PLCB4: variants seen among roughly 807,000 people sequenced by gnomAD.
The protein encoded by PLCB4 is 1-phosphatidylinositol 4,5-bisphosphate phosphodiesterase beta-4.
Under a neutral mutation model 178.8 loss-of-function variants are expected in PLCB4, and 77 were observed. That is an observed-to-expected ratio of 0.43 (90% CI 0.36 to 0.52). The LOEUF is 0.52. PLCB4 is among the 20% of genes least tolerant of loss of function. The probability of loss-of-function intolerance (pLI) is 0.00; values close to 1 mark genes in which losing one functional copy is unlikely to be tolerated. For missense variants in PLCB4, 1,024 were observed against 1,453.4 expected (o/e 0.70, Z 4.80); for synonymous variants, 496 against 490.8 (o/e 1.01, Z -0.14).
intron 20 of PLCB4, among the ~76,000 whole-genome samples, chr20:9,403,996 T>C (rs933658649): frequency 1.3e-5 from 2 of 152,136 alleles, no homozygotes; most frequent in Non-Finnish European, 2.9e-5. Flanking sequence ...GACTAGAGAC[T>C]ATGCTTTTGA....
At chr20:9,095,007 A>C (rs1001146634) in intron 1 of PLCB4, among the ~76,000 whole-genome samples, 4 of 152,158 alleles carry the variant, frequency 2.6e-5, no homozygotes, top group Non-Finnish European at 5.9e-5. Flanking sequence ...GAAGAGCAAG[A>C]GAGGAAAGGC....
At chr20:9,179,729 A>G (rs2093215383) in intron 2 of PLCB4, among the ~76,000 whole-genome samples, 1 of 152,280 alleles carries the variant, frequency 6.6e-6, no homozygotes, top group South Asian at 2.1e-4. Context: ...TGCTTGTTTT[A>G]GTGAATGAGA....
At chr20:9,266,320 G>A (rs1248964472) in intron 3 of PLCB4, among the ~76,000 whole-genome samples, 1 of 152,158 alleles carries the variant, frequency 6.6e-6, no homozygotes, top group Non-Finnish European at 1.5e-5. Flanking sequence ...AGCTCGCTTG[G>A]TAATTCATTT....
intron 4 of PLCB4, among the ~76,000 whole-genome samples, chr20:9,318,574 CT>C (rs1468277651): frequency 1.3e-5 from 2 of 152,200 alleles, no homozygotes; most frequent in Non-Finnish European, 2.9e-5. Context: ...CTTAGCAGGA[CT>C]CAGGCCCTCC....
In PLCB4 at chr20:9,263,314, T is replaced by G. The variant is rs558267863; in HGVS notation, c.-15-44486T>G. 9.9e-5 allele frequency among the ~76,000 whole-genome samples: 15 copies of G among 152,224 alleles called. No individual in the cohort carries two copies. In the South Asian group the frequency reaches 2.9e-3, roughly 29 times the overall value. On this transcript the variant is annotated intron_variant, in intron 3 of 39. Transcript: ENST00000378473. The stretch of plus-strand genomic sequence containing the variant: ...CTCTAAAATTGACCACTACCTAAAA[T>G]TGACCACTACCCTATGATATCTTAG...
rs1429517420 is a variant in PLCB4 at position 9,437,021 on chromosome 20, C to G, written c.2633C>G (p.Pro878Arg). The change falls in exon 30 of 40, where the codon CCC becomes CGC. Residue 878 changes from proline (P) to arginine (R), a missense_variant. Coordinates refer to ENST00000378473, the MANE Select transcript of PLCB4 (RefSeq NM_001377142.1). ...GIETSDIADV[P>R]SDTSKNDKKG... is the part of the protein sequence containing the mutation. ...TTCCAGAGTGACATAGCCGACGTGC[C>G]CAGTGACACTTCCAAAAATGACAAG... The G allele has an allele frequency of 6.2e-7, 1 of 1,613,836 alleles. No individual in the cohort carries two copies. Among genetic ancestry groups the G allele is most frequent in the Admixed American group, 1.7e-5 (1 of 59,962 alleles).
chr20:9,457,603 C>A, intron 34 of PLCB4, 114 bp downstream of exon 34: 1 of 672,536 alleles, frequency 1.5e-6, no homozygotes, highest in Non-Finnish European at 2.7e-6. Flanking sequence ...GGTCTAGTAG[C>A]CTGCAGCTGA....
chr20:9,291,796 G>C (rs1325142296), intron 3 of PLCB4, among the ~76,000 whole-genome samples: 1 of 152,168 alleles, frequency 6.6e-6, no homozygotes, highest in East Asian at 1.9e-4. Flanking sequence ...CAGTACCCCT[G>C]TGTGGATGAA....
At chr20:9,285,030 A>G (rs1158598914) in intron 3 of PLCB4, among the ~76,000 whole-genome samples, 16 of 152,016 alleles carry the variant, frequency 1.1e-4, no homozygotes, top group African/African-American at 3.9e-4. Flanking sequence ...GCATGATAAA[A>G]CATCCTGCAT....
intron 4 of PLCB4, among the ~76,000 whole-genome samples, chr20:9,310,014 A>T (rs776836732): frequency 2.6e-5 from 4 of 152,236 alleles, no homozygotes; most frequent in Admixed American, 6.5e-5. Flanking sequence ...GAGCAAAAAC[A>T]TTTTAACTTT....
intron 3 of PLCB4, among the ~76,000 whole-genome samples, chr20:9,266,590 T>C (rs973997896): frequency 2.6e-5 from 4 of 152,220 alleles, no homozygotes; most frequent in African/African-American, 9.6e-5. Context: ...AAAACATTCC[T>C]TATGGAAAAA....
At chr20:9,315,254 A>G (rs1484080157) in intron 4 of PLCB4, among the ~76,000 whole-genome samples, 1 of 152,208 alleles carries the variant, frequency 6.6e-6, no homozygotes, top group Non-Finnish European at 1.5e-5. Flanking sequence ...ACAACAAGCT[A>G]TATAGCAACT....
At chr20:9,260,842 T>C (rs1282440044) in intron 3 of PLCB4, among the ~76,000 whole-genome samples, 4 of 152,162 alleles carry the variant, frequency 2.6e-5, no homozygotes, top group South Asian at 4.1e-4. Context: ...ATAAAATACA[T>C]GTTGAAATAT....
intron 3 of PLCB4, among the ~76,000 whole-genome samples, chr20:9,271,647 T>C (rs1217627251): frequency 1.3e-5 from 2 of 152,134 alleles, no homozygotes; most frequent in African/African-American, 4.8e-5. Context: ...CAATGTGAAG[T>C]GTGAGTAAAT....
intron 2 of PLCB4, among the ~76,000 whole-genome samples, chr20:9,158,449 A>G (rs1220466467): frequency 7.7e-6 from 1 of 129,960 alleles, no homozygotes; most frequent in East Asian, 2.2e-4. Flanking sequence ...TTTTTTTTTT[A>G]ATAGATTTGG....
At chr20:9,126,215 T>C (rs764505302) in intron 2 of PLCB4, among the ~76,000 whole-genome samples, 1 of 152,222 alleles carries the variant, frequency 6.6e-6, no homozygotes, top group Non-Finnish European at 1.5e-5. Context: ...AGTTGTCTAA[T>C]ATTGTAAACA....
chr20:9,425,687 A>G (rs1602604740), intron 28 of PLCB4, among the ~76,000 whole-genome samples: 1 of 152,206 alleles, frequency 6.6e-6, no homozygotes, highest in Admixed American at 6.5e-5. Flanking sequence ...CTTACTTTTT[A>G]TCAGAAGCGT....
chr20:9,159,782 CTCAG>C (rs1436177110), intron 2 of PLCB4, among the ~76,000 whole-genome samples: 3 of 152,118 alleles, frequency 2.0e-5, no homozygotes, highest in Admixed American at 2.0e-4. Context: ...CTTCATCTTG[CTCAG>C]TATCTATTTT....
At chr20:9,450,703 C>T (rs1196839666) in intron 32 of PLCB4, among the ~76,000 whole-genome samples, 2 of 126,676 alleles carry the variant, frequency 1.6e-5, no homozygotes, top group East Asian at 4.7e-4. Context: ...CTCTGTCATG[C>T]AGTGGCATGA....
Sources: gnomAD v4.1 joint callset for allele counts (sites outside exome capture counted in the v4.1 genomes callset) on GRCh38, gnomAD v4.1.1 for gene constraint, MANE v1.5 for transcripts, NCBI Gene and HGNC (gene_info 2026-07-23, HGNC 2026-07-21) for gene names.